The following PIAS1 variants were observed in gnomAD, a reference collection of about 807,000 sequenced individuals.
PIAS1 encodes the protein E3 SUMO-protein ligase PIAS1.
Under a neutral mutation model 71.3 loss-of-function variants are expected in PIAS1, and 6 were observed. That is an observed-to-expected ratio of 0.08 (90% CI 0.05 to 0.17). The LOEUF (loss-of-function observed/expected upper bound fraction) is 0.17, where lower values mean the gene tolerates loss of function less well. Among genes scored for constraint, PIAS1 ranks in the 10% least tolerant of loss-of-function variants. PIAS1 has a pLI of 1.00. For missense variants in PIAS1, 555 were observed against 793.6 expected (o/e 0.70, Z 3.61); for synonymous variants, 303 against 292.9 (o/e 1.03, Z -0.35).
intron 2 of PIAS1, among the ~76,000 whole-genome samples, chr15:68,126,944 A>AT (rs1256158235): frequency 6.7e-6 from 1 of 148,740 alleles, no homozygotes; most frequent in Non-Finnish European, 1.5e-5. Flanking sequence ...TAATTAATTT[A>AT]TTTATTTTGA....
intron 9 of PIAS1, among the ~76,000 whole-genome samples, chr15:68,175,203 C>T (rs141608253): frequency 8.5e-5 from 13 of 152,110 alleles, no homozygotes; most frequent in East Asian, 1.9e-4. Context: ...ATGTCTGTCA[C>T]GGTATTTTAT....
intron 2 of PIAS1, among the ~76,000 whole-genome samples, chr15:68,089,246 A>C (rs368684846): frequency 2.0e-5 from 3 of 152,292 alleles, no homozygotes. Context: ...TATTTCTTTA[A>C]AACAATTTAA....
intron 6 of PIAS1, among the ~76,000 whole-genome samples, chr15:68,152,484 T>C (rs1323186026): frequency 6.6e-6 from 1 of 152,190 alleles, no homozygotes; most frequent in Admixed American, 6.5e-5. Flanking sequence ...CCTTTCCCTT[T>C]GGTTTCTAGT....
At chr15:68,103,353 T>G (rs889707992) in intron 2 of PIAS1, among the ~76,000 whole-genome samples, 1 of 151,520 alleles carries the variant, frequency 6.6e-6, no homozygotes, top group Non-Finnish European at 1.5e-5. Context: ...TTTAAGCTTT[T>G]CGTTAGCATT....
intron 1 of PIAS1, among the ~76,000 whole-genome samples, chr15:68,056,374 TGTGAG>T (rs1475161051): frequency 6.6e-6 from 1 of 152,222 alleles, no homozygotes; most frequent in African/African-American, 2.4e-5. Flanking sequence ...AGATCCCTGG[TGTGAG>T]TCTTGTTAGG....
intron 1 of PIAS1, among the ~76,000 whole-genome samples, chr15:68,072,644 ATCT>A (rs898879880): frequency 3.3e-5 from 5 of 152,080 alleles, no homozygotes; most frequent in Admixed American, 2.6e-4. Context: ...GTCTTTTCAA[ATCT>A]TCTTAATGTT....
chr15:68,109,535 T>C (rs965844303), intron 2 of PIAS1, among the ~76,000 whole-genome samples: 1 of 152,230 alleles, frequency 6.6e-6, no homozygotes, highest in Admixed American at 6.5e-5. Flanking sequence ...TTTGTGGTTC[T>C]GCTTCCTTTA....
chr15:68,116,640 C>CT, intron 2 of PIAS1, among the ~76,000 whole-genome samples: 1 of 151,818 alleles, frequency 6.6e-6, no homozygotes, highest in East Asian at 1.9e-4. Context: ...TTTCTCTTCT[C>CT]TTTTTTTAGT....
At chr15:68,072,810 G>A (rs911816691) in intron 1 of PIAS1, among the ~76,000 whole-genome samples, 21 of 151,620 alleles carry the variant, frequency 1.4e-4, no homozygotes, top group Non-Finnish European at 2.6e-4. Flanking sequence ...TTTTATGTCC[G>A]TTTCCTCCCT....
intron 2 of PIAS1, among the ~76,000 whole-genome samples, chr15:68,090,813 A>G (rs747414653): frequency 7.2e-5 from 11 of 152,146 alleles, no homozygotes; most frequent in Non-Finnish European, 1.3e-4. Flanking sequence ...AATTTTCCCT[A>G]ATTACAAAAA....
In PIAS1 at chr15:68,142,343, G is replaced by T; in HGVS notation, c.602+6G>T. On this transcript the variant is annotated splice_donor_region_variant and intron_variant, in intron 4 of 13. Coordinates refer to ENST00000249636, the MANE Select transcript of PIAS1 (RefSeq NM_016166.3). Reference sequence around the variant, plus strand: ...ACAGTACAGGTCCAGTTAAGGTACAGTGCTGACTATAGGATATATTCAAAG... The same window carrying T: ...ACAGTACAGGTCCAGTTAAGGTACATTGCTGACTATAGGATATATTCAAAG... The T allele has an allele frequency of 1.9e-6, 3 of 1,588,238 alleles. No individual in the cohort carries two copies. Among genetic ancestry groups the T allele is most frequent in the Non-Finnish European group, 2.6e-6 (3 of 1,157,082 alleles).
At chr15:68,163,641 G>C (rs1287778806) in intron 7 of PIAS1, among the ~76,000 whole-genome samples, 1 of 152,138 alleles carries the variant, frequency 6.6e-6, no homozygotes, top group Non-Finnish European at 1.5e-5. Context: ...TTTAATAAAG[G>C]TAGGATTTCT....
chr15:68,165,912 A>G (rs1359549108), intron 8 of PIAS1, among the ~76,000 whole-genome samples: 2 of 152,154 alleles, frequency 1.3e-5, no homozygotes, highest in African/African-American at 4.8e-5. Context: ...GACAGGCCTG[A>G]TATTGAAAGC....
At chr15:68,123,045 T>C (rs974307881) in intron 2 of PIAS1, among the ~76,000 whole-genome samples, 1 of 152,028 alleles carries the variant, frequency 6.6e-6, no homozygotes, top group African/African-American at 2.4e-5. Context: ...CAAAATTCTT[T>C]TTATTTTTTT....
intron 1 of PIAS1, among the ~76,000 whole-genome samples, chr15:68,068,456 A>T (rs2092054127): frequency 6.6e-6 from 1 of 152,044 alleles, no homozygotes; most frequent in Non-Finnish European, 1.5e-5. Context: ...CCCGGGGTTA[A>T]GTCTTTTTTT....
In PIAS1 at chr15:68,175,760, A is replaced by G. The variant is rs113555272; in HGVS notation, c.1293A>G (p.Gly431=). 8.4e-3 allele frequency: 13,396 copies of G among 1,603,322 alleles called. 91 individuals carry two copies. Among genetic ancestry groups the G allele is most frequent in the East Asian group, 0.036 (1,579 of 44,448 alleles). Residue 431 remains glycine, a synonymous_variant, in exon 10 of 14, where the codon GGA becomes GGG. Coordinates refer to ENST00000249636, the MANE Select transcript of PIAS1 (RefSeq NM_016166.3). ...EVQEVSASYN[G]VDGCLSSTLE... is the part of the protein sequence containing the mutation. ...AGGAAGTTTCTGCCTCTTACAATGG[A>G]GTCGATGGTGAGTAGTTCTTCACAA...
intron 7 of PIAS1, among the ~76,000 whole-genome samples, chr15:68,160,505 A>G (rs981872732): frequency 2.0e-5 from 3 of 152,204 alleles, no homozygotes; most frequent in Non-Finnish European, 4.4e-5. Context: ...TAATTACCGT[A>G]GCTTGATAGT....
chr15:68,132,335 C>T (rs570651843), intron 2 of PIAS1, among the ~76,000 whole-genome samples: 10 of 152,054 alleles, frequency 6.6e-5, no homozygotes, highest in Admixed American at 1.3e-4. Flanking sequence ...AAAATCAGGG[C>T]GTGGTGGCCC....
chr15:68,119,237 CAAAAAAAAAAAAA>C (rs60879036), intron 2 of PIAS1, among the ~76,000 whole-genome samples: 3 of 27,408 alleles, frequency 1.1e-4, no homozygotes, highest in African/African-American at 1.4e-4. Flanking sequence ...CCATCTCTAC[CAAAAAAAAAAAAA>C]AAAAAAAAAA....
Sources: gnomAD v4.1 joint callset for allele counts (sites outside exome capture counted in the v4.1 genomes callset) on GRCh38, gnomAD v4.1.1 for gene constraint, MANE v1.5 for transcripts, NCBI Gene and HGNC (gene_info 2026-07-23, HGNC 2026-07-21) for gene names.